NELL1: variants seen among roughly 807,000 people sequenced by gnomAD.
NELL1 encodes protein kinase C-binding protein NELL1.
Under a neutral mutation model 107.4 loss-of-function variants are expected in NELL1, and 76 were observed. The observed-to-expected ratio is 0.71, with a 90% CI of 0.59 to 0.86. The LOEUF is 0.86. Among genes scored for constraint, NELL1 ranks in the 40% least tolerant of loss-of-function variants. NELL1 has a pLI of 0.00. For synonymous variants in NELL1, 353 were observed against 341.2 expected (o/e 1.03, Z -0.38); for missense variants, 1,024 against 1,005.5 (o/e 1.02, Z -0.25).
chr11:20,815,343 C>T (rs1857601186), intron 3 of NELL1, among the ~76,000 whole-genome samples: 1 of 152,134 alleles, frequency 6.6e-6, no homozygotes, highest in African/African-American at 2.4e-5. Context: ...GCCTCAGCCT[C>T]CCAAAGTGCT....
At chr11:21,119,605 G>C (rs1440079116) in intron 13 of NELL1, among the ~76,000 whole-genome samples, 1 of 151,976 alleles carries the variant, frequency 6.6e-6, no homozygotes, top group Non-Finnish European at 1.5e-5. Context: ...TAAAACATTT[G>C]GCCTTTGACC....
chr11:21,522,945 C>T (rs1245234013), intron 15 of NELL1, among the ~76,000 whole-genome samples: 2 of 146,450 alleles, frequency 1.4e-5, no homozygotes, highest in East Asian at 2.1e-4. Context: ...CCCGGGTTCA[C>T]GCCATTCTCC....
At chr11:21,059,610 G>A (rs76082314) in intron 12 of NELL1, among the ~76,000 whole-genome samples, 2 of 152,016 alleles carry the variant, frequency 1.3e-5, no homozygotes, top group African/African-American at 2.4e-5. Context: ...TTTTACTTTC[G>A]GATATACACT....
At chr11:20,696,342 C>T (rs1854616474) in intron 2 of NELL1, among the ~76,000 whole-genome samples, 1 of 151,436 alleles carries the variant, frequency 6.6e-6, no homozygotes, top group Admixed American at 6.6e-5. Flanking sequence ...TTTTCTTTTT[C>T]TAGGAGTGAA....
At chr11:20,678,415 T>C (rs1854114604) in intron 2 of NELL1, among the ~76,000 whole-genome samples, 1 of 152,198 alleles carries the variant, frequency 6.6e-6, no homozygotes, top group South Asian at 2.1e-4. Flanking sequence ...TATACCTATA[T>C]TTACATCTTT....
intron 13 of NELL1, among the ~76,000 whole-genome samples, chr11:21,190,378 G>A (rs1670621): frequency 0.84 from 127,039 of 151,596 alleles, 53,936 homozygotes; most frequent in Non-Finnish European, 0.9. Flanking sequence ...CAAGCAAACA[G>A]AAAGAATGTA....
intron 5 of NELL1, among the ~76,000 whole-genome samples, chr11:20,891,432 C>T (rs1267514137): frequency 6.6e-6 from 1 of 152,094 alleles, no homozygotes; most frequent in South Asian, 2.1e-4. Flanking sequence ...AGACCAATGA[C>T]ACTACAAAGA....
At chr11:21,392,933 C>T (rs567817643) in intron 15 of NELL1, among the ~76,000 whole-genome samples, 2 of 151,300 alleles carry the variant, frequency 1.3e-5, no homozygotes, top group South Asian at 4.2e-4. Flanking sequence ...TTTAAATTTG[C>T]AGGATGTTAT....
chr11:21,519,925 C>G (rs1340594704), intron 15 of NELL1, among the ~76,000 whole-genome samples: 1 of 152,100 alleles, frequency 6.6e-6, no homozygotes, highest in Admixed American at 6.6e-5. Context: ...ATACATAGTT[C>G]ATAAGATGAC....
chr11:21,500,629 A>T (rs1380341129), intron 15 of NELL1, among the ~76,000 whole-genome samples: 5 of 152,118 alleles, frequency 3.3e-5, no homozygotes, highest in African/African-American at 9.7e-5. Context: ...TATACGTGAC[A>T]TGGCTTTTTA....
intron 12 of NELL1, among the ~76,000 whole-genome samples, chr11:21,083,147 G>T (rs1417897219): frequency 2.0e-5 from 3 of 152,206 alleles, no homozygotes; most frequent in African/African-American, 7.2e-5. Flanking sequence ...TAAGAATTAA[G>T]TCAGTATGTG....
intron 13 of NELL1, among the ~76,000 whole-genome samples, chr11:21,171,062 A>G (rs557565876): frequency 2.6e-5 from 4 of 151,948 alleles, no homozygotes; most frequent in Admixed American, 2.6e-4. Flanking sequence ...TTCATCAGTG[A>G]ATACGTACAT....
At chr11:20,697,821 A>G (rs967059775) in intron 2 of NELL1, among the ~76,000 whole-genome samples, 7 of 152,160 alleles carry the variant, frequency 4.6e-5, no homozygotes, top group Non-Finnish European at 1.0e-4. Context: ...GAAGATGTAC[A>G]GGAGTTAAAT....
chr11:21,370,914 T>C lies in NELL1; in HGVS notation c.1611T>C (p.Cys537=), dbSNP rs746191555. The change falls in exon 15 of 20, where the codon TGT becomes TGC. Residue 537 remains cysteine, a synonymous_variant. Coordinates refer to ENST00000357134, the MANE Select transcript of NELL1 (RefSeq NM_006157.5). ...GTCVAPNKCV[C]PSGFTGSHCE... ...GTGTGGCTCCCAACAAATGTGTCTG[T>C]CCATCTGGATTCACAGGAAGCCACT... The C allele has an allele frequency of 3.7e-6, 6 of 1,611,518 alleles. No homozygotes were observed. In the East Asian group the frequency reaches 1.1e-4, roughly 30 times the overall value.
At chr11:20,918,789 T>C (rs890869887) in intron 6 of NELL1, among the ~76,000 whole-genome samples, 8 of 152,042 alleles carry the variant, frequency 5.3e-5, no homozygotes, top group Admixed American at 4.6e-4. Context: ...TGAGTGGGGA[T>C]GCAGCCAACC....
At chr11:21,404,509 T>C (rs917266932) in intron 15 of NELL1, among the ~76,000 whole-genome samples, 1 of 151,948 alleles carries the variant, frequency 6.6e-6, no homozygotes, top group African/African-American at 2.4e-5. Flanking sequence ...CACCTAGTCC[T>C]GATTTCTCAA....
At chr11:20,717,022 A>G (rs1855268388) in intron 2 of NELL1, among the ~76,000 whole-genome samples, 1 of 152,226 alleles carries the variant, frequency 6.6e-6, no homozygotes, top group South Asian at 2.1e-4. Context: ...CAATGTATTC[A>G]TTCATTTGCT....
intron 13 of NELL1, among the ~76,000 whole-genome samples, chr11:21,116,646 T>C (rs980760476): frequency 6.6e-6 from 1 of 151,980 alleles, no homozygotes; most frequent in Non-Finnish European, 1.5e-5. Context: ...AATGTAGAGA[T>C]AACTCCTTCC....
intron 14 of NELL1, among the ~76,000 whole-genome samples, chr11:21,337,799 T>G (rs9705358): frequency 7.0e-4 from 65 of 93,336 alleles, no homozygotes; most frequent in South Asian, 2.5e-3. Context: ...TTTCTTTCCT[T>G]CTTTCTTTCT....
Sources: gnomAD v4.1 joint callset for allele counts (sites outside exome capture counted in the v4.1 genomes callset) on GRCh38, gnomAD v4.1.1 for gene constraint, MANE v1.5 for transcripts, NCBI Gene and HGNC (gene_info 2026-07-23, HGNC 2026-07-21) for gene names.